Variants in ZFYVE1 observed in about 807,000 individuals in gnomAD.
ZFYVE1 encodes zinc finger FYVE-type containing 1.
Under a neutral mutation model 74.4 loss-of-function variants are expected in ZFYVE1, and 30 were observed. That is an observed-to-expected ratio of 0.40 (90% CI 0.30 to 0.55). The LOEUF (loss-of-function observed/expected upper bound fraction) is 0.55, where lower values mean the gene tolerates loss of function less well. ZFYVE1 is among the 20% of genes least tolerant of loss of function. ZFYVE1 has a pLI of 0.42. For missense variants in ZFYVE1, 703 were observed against 1,011.6 expected, an observed-to-expected ratio of 0.69 and a Z score of 4.14; for synonymous variants, 335 against 385.1, an observed-to-expected ratio of 0.87 and a Z score of 1.52.
chr14:73,024,448 T>C lies in ZFYVE1; in HGVS notation c.61A>G (p.Ser21Gly), dbSNP rs1185296455. 1.2e-6 allele frequency: 2 copies of C among 1,613,830 alleles called. No homozygotes were observed. The highest frequency in any genetic ancestry group is 1.3e-5 in the African/African-American group (1 of 74,924). Residue 21 changes from serine to glycine, a missense_variant, in exon 2 of 12, where the codon AGT (serine) becomes GGT (glycine). Physicochemically the swap from Ser to Gly is moderately conservative, Grantham distance 56. Coordinates refer to ENST00000556143, the MANE Select transcript of ZFYVE1 (RefSeq NM_021260.4). Reference sequence around the variant, plus strand: ...TCATCAGTCCCGCTGCAAGCGTAACTTTCCTGGCACATCAGCCCCGGATTC... The same window carrying C: ...TCATCAGTCCCGCTGCAAGCGTAACCTTCCTGGCACATCAGCCCCGGATTC... ...GLNPGLMCQE[S>G]YACSGTDEAI... is the part of the protein sequence containing the mutation.
chr14:73,004,777 C>G (rs1893942531), intron 2 of ZFYVE1, among the ~76,000 whole-genome samples: 1 of 152,122 alleles, frequency 6.6e-6, no homozygotes, highest in African/African-American at 2.4e-5. Context: ...GCAGATGGAT[C>G]ACTTGAGCCC....
At chr14:73,002,392 A>C (rs1009280203) in intron 2 of ZFYVE1, among the ~76,000 whole-genome samples, 9 of 152,226 alleles carry the variant, frequency 5.9e-5, no homozygotes, top group Non-Finnish European at 1.0e-4. Flanking sequence ...TATATACTTT[A>C]AACTGGTGAA....
At chr14:72,995,842 C>T (rs1048376090) in intron 3 of ZFYVE1, among the ~76,000 whole-genome samples, 1 of 152,184 alleles carries the variant, frequency 6.6e-6, no homozygotes, top group African/African-American at 2.4e-5. Flanking sequence ...CACTTCCCTC[C>T]TACTGCCACT....
At chr14:72,979,063 G>T in intron 5 of ZFYVE1, 94 bp from the exon 6 acceptor site, 1 of 1,069,352 alleles carries the variant, frequency 9.4e-7, no homozygotes, top group Non-Finnish European at 1.4e-6. Context: ...ACAAGGCCAC[G>T]ACCAGACCTT....
intron 3 of ZFYVE1, among the ~76,000 whole-genome samples, chr14:72,997,278 C>T (rs1055502873): frequency 2.6e-5 from 4 of 152,160 alleles, no homozygotes; most frequent in African/African-American, 9.7e-5. Context: ...CCTTGAAATC[C>T]CACATCAGCC....
chr14:73,004,774 G>C (rs975854419), intron 2 of ZFYVE1, among the ~76,000 whole-genome samples: 3 of 152,106 alleles, frequency 2.0e-5, no homozygotes, highest in African/African-American at 7.2e-5. Context: ...AAAGCAGATG[G>C]ATCACTTGAG....
chr14:73,020,825 A>C (rs1475446093), intron 2 of ZFYVE1, among the ~76,000 whole-genome samples: 2 of 152,146 alleles, frequency 1.3e-5, no homozygotes, highest in African/African-American at 4.8e-5. Context: ...AAACACAAAA[A>C]TTAGCAGGGC....
rs369966477 is a variant in ZFYVE1 at position 72,980,103 on chromosome 14, A to G, written c.1311-1134T>C. ...AAGGTAAGTCACACTGTCAACTAAC[A>G]TCCCTCTCCCCTTTCCAAACTGAAC... On this transcript the variant is annotated intron_variant, in intron 5 of 11. Coordinates refer to ENST00000556143, the MANE Select transcript of ZFYVE1 (RefSeq NM_021260.4). Among the ~76,000 whole-genome samples the G allele has an allele frequency of 5.3e-5, 8 of 152,292 alleles. No homozygotes were observed. The East Asian group carries it at 9.6e-4, about 18-fold the overall frequency.
chr14:73,005,276 G>A (rs1246912363), intron 2 of ZFYVE1, among the ~76,000 whole-genome samples: 1 of 152,140 alleles, frequency 6.6e-6, no homozygotes, highest in Non-Finnish European at 1.5e-5. Context: ...TCCCTTTGAT[G>A]AGGGAAGGAA....
intron 6 of ZFYVE1, among the ~76,000 whole-genome samples, chr14:72,978,594 A>T (rs1228736074): frequency 6.8e-6 from 1 of 146,708 alleles, no homozygotes; most frequent in Non-Finnish European, 1.5e-5. Flanking sequence ...AAAAAAAAAA[A>T]AAGAATGAAT....
Position 72,981,780 on chromosome 14 carries a change from C to T in ZFYVE1, c.1310+9G>A. ...ATGGGGTGGGAGGTGGGGGAGCGGCCTTACTTACCCACAGCTGAGGCACAA... is the reference window on the plus strand; with the variant it reads ...ATGGGGTGGGAGGTGGGGGAGCGGCTTTACTTACCCACAGCTGAGGCACAA... On this transcript the variant is annotated intron_variant, in intron 5 of 11. Transcript: ENST00000556143. The T allele has an allele frequency of 6.2e-7, 1 of 1,613,700 alleles. No individual in the cohort carries two copies. Among genetic ancestry groups the T allele is most frequent in the Non-Finnish European group, 8.5e-7 (1 of 1,179,758 alleles).
At chr14:73,021,389 A>ATAAATAAATAAC (rs1251428913) in intron 2 of ZFYVE1, among the ~76,000 whole-genome samples, 95 of 147,476 alleles carry the variant, frequency 6.4e-4, no homozygotes, top group African/African-American at 2.2e-3. Context: ...AAATAAATAA[A>ATAAATAAATAAC]TAACTGAAGT....
chr14:72,998,314 A>T lies in ZFYVE1; in HGVS notation c.485T>A (p.Val162Glu), dbSNP rs756095500. The T allele has an allele frequency of 3.7e-6, 5 of 1,343,724 alleles. No homozygotes were observed. The highest frequency in any genetic ancestry group is 2.0e-5 in the South Asian group (1 of 48,910). The allele number at this position is 1,343,724 out of a possible 1,614,324, so 83.2% of individuals were successfully genotyped here. A position where few individuals can be genotyped will look rare whatever the true frequency, so the allele number is the denominator to read the frequency against. Residue 162 changes from valine (V) to glutamate (E), a missense_variant and splice_region_variant, in exon 3 of 12, where the codon GTA becomes GAA. Coordinates refer to ENST00000556143, the MANE Select transcript of ZFYVE1 (RefSeq NM_021260.4). ...TCTAATAAAGTCTTCTTCATTTGTT[A>T]CCTGCAAAAAAAAAAAAAAAGACCA... ...LLVDENEEIQ[V>E]TNEEDFIRKL... is the part of the protein sequence containing the mutation.
At chr14:73,015,645 A>C (rs1894187432) in intron 2 of ZFYVE1, among the ~76,000 whole-genome samples, 1 of 152,098 alleles carries the variant, frequency 6.6e-6, no homozygotes, top group Admixed American at 6.6e-5. Flanking sequence ...CAGCCTCCCA[A>C]AGCGCTGGGA....
chr14:72,975,693 T>C lies in ZFYVE1; in HGVS notation c.1664A>G (p.Asn555Ser). The change falls in exon 9 of 12, where the codon AAT becomes AGT. Residue 555 changes from asparagine (N) to serine (S), a missense_variant. Coordinates refer to ENST00000556143, the MANE Select transcript of ZFYVE1 (RefSeq NM_021260.4). The surrounding 1 kb of genome is among the most constrained non-coding windows in gnomAD (Gnocchi z 4.1). ...GTDGFLKDNN[N>S]AAQRLLDGMN... ...CCCGTCCAACAGGCGCTGGGCAGCA[T>C]TGTTGTTGTCCTTCAGAAACCCATC... 2 of 1,614,080 alleles carry C rather than the reference T, an allele frequency of 1.2e-6. No homozygotes were observed. The highest frequency in any genetic ancestry group is 8.5e-7 in the Non-Finnish European group (1 of 1,180,024).
At chr14:73,026,656 G>T (rs1487394571) in intron 1 of ZFYVE1, among the ~76,000 whole-genome samples, 4 of 151,972 alleles carry the variant, frequency 2.6e-5, no homozygotes, top group Admixed American at 6.6e-5. Context: ...CCCCAGCCGG[G>T]GGTTCCTCAC....
intron 4 of ZFYVE1, among the ~76,000 whole-genome samples, chr14:72,990,650 G>A (rs1359242871): frequency 1.4e-5 from 2 of 143,658 alleles, no homozygotes; most frequent in East Asian, 2.1e-4. Context: ...TCTGCCTCCT[G>A]AAGTGCTGGA....
intron 2 of ZFYVE1, among the ~76,000 whole-genome samples, chr14:73,016,296 G>C (rs536847534): frequency 6.6e-6 from 1 of 152,180 alleles, no homozygotes; most frequent in African/African-American, 2.4e-5. Flanking sequence ...CGGATCACAA[G>C]GTCAGGTGAT....
chr14:72,971,538 G>C (rs1180654056), intron 11 of ZFYVE1, among the ~76,000 whole-genome samples: 1 of 152,036 alleles, frequency 6.6e-6, no homozygotes, highest in Non-Finnish European at 1.5e-5. Flanking sequence ...ATGTTGTCCG[G>C]GCTGGTCTCG....
Sources: allele counts gnomAD v4.1 joint callset (sites outside exome capture counted in the v4.1 genomes callset), GRCh38; gene constraint gnomAD v4.1.1; non-coding constraint Gnocchi (gnomAD v3.1); transcripts MANE v1.5; gene names NCBI Gene and HGNC (gene_info 2026-07-23, HGNC 2026-07-21).